The following CASTOR1 variants were observed in gnomAD, a reference collection of about 807,000 sequenced individuals.
CASTOR1 encodes GATS protein like 3.
CASTOR1 carries 18 observed loss-of-function variants against 33.7 expected under a neutral mutation model. The ratio of observed to expected loss-of-function variants is 0.53; its 90% CI spans 0.37 to 0.79. CASTOR1 has a LOEUF of 0.79. Ranked by LOEUF, CASTOR1 falls within the 30% of genes least tolerant of loss-of-function variation. The pLI is 0.00. For missense variants in CASTOR1, 362 were observed against 446.3 expected, an observed-to-expected ratio of 0.81 and a Z score of 1.70; for synonymous variants, 175 against 190.6, an observed-to-expected ratio of 0.92 and a Z score of 0.67.
chr22:30,287,876 C>T (rs1335330782), intron 2 of CASTOR1: 21 of 587,994 alleles, frequency 3.6e-5, no homozygotes, highest in Non-Finnish European at 6.4e-5. Flanking sequence ...TAAAATGGGA[C>T]GACAATATCT....
At position 30,287,303 on chromosome 22, in the gene CASTOR1, T is replaced by C. The variant is rs766421774; in HGVS notation, c.373-16A>G. 1 of 1,574,624 alleles carries C rather than the reference T, an allele frequency of 6.4e-7. No individual in the cohort carries two copies. Among genetic ancestry groups the C allele is most frequent in the Non-Finnish European group, 8.6e-7 (1 of 1,156,266 alleles). ...GCTCCCGCACCTGGGCCACAGCAGA[T>C]GGCACATCACATGGGCTCCCAGGTA... is the stretch of plus-strand genomic sequence containing the variant. On this transcript the variant is annotated splice_polypyrimidine_tract_variant and intron_variant, in intron 3 of 8. Coordinates refer to ENST00000407689, the MANE Select transcript of CASTOR1 (RefSeq NM_001037666.3).
rs373119268 is a variant in CASTOR1, at chr22:30,287,170, G to C, written c.490C>G (p.Pro164Ala). The C allele has an allele frequency of 3.2e-5, 51 of 1,610,894 alleles. No individual in the cohort carries two copies. The highest frequency in any genetic ancestry group is 4.2e-5 in the Non-Finnish European group (50 of 1,178,214). The change falls in exon 4 of 9, where the codon CCC becomes GCC. Residue 164 changes from proline (P) to alanine (A), a missense_variant. Pro to Ala is a conservative substitution (Grantham distance 27). Transcript: ENST00000407689. ...CGGCCCTCACCATGCTGAGTGCGGG[G>C]AAAGCCATTGCTGGAATCATCCCTC... Reference protein sequence around the residue: ...VTRDDSSNGFPRTQHGPSPTV... With the variant: ...VTRDDSSNGFARTQHGPSPTV...
chr22:30,287,387 T>A lies in CASTOR1; in HGVS notation c.358A>T (p.Thr120Ser). Residue 120 changes from threonine (T) to serine (S), a missense_variant, in exon 3 of 9, where the codon ACG (threonine) becomes TCG (serine). Thr to Ser is a moderately conservative substitution (Grantham distance 58, BLOSUM62 1). Coordinates refer to ENST00000407689, the MANE Select transcript of CASTOR1 (RefSeq NM_001037666.3). ...VSVLMLSTYQ[T>S]DFILVREQDL... ...AGGAAACTCACCAGGATGAAGTCCG[T>A]CTGGTAAGTGGACAGCATCAGCACA... 6.2e-7 allele frequency: 1 copy of A among 1,612,236 alleles called. No individual in the cohort carries two copies. The highest frequency in any genetic ancestry group is 8.5e-7 in the Non-Finnish European group (1 of 1,179,112).
At chr22:30,287,061 G>T in intron 4 of CASTOR1, 94 bp downstream of exon 4, 1 of 1,549,502 alleles carries the variant, frequency 6.5e-7, no homozygotes, top group South Asian at 1.2e-5. Flanking sequence ...GGAACTGGCC[G>T]GGGTCCTCCT....
At chr22:30,289,247 C>T in intron 1 of CASTOR1, 138 bp downstream of exon 1, 1 of 677,898 alleles carries the variant, frequency 1.5e-6, no homozygotes, top group South Asian at 1.7e-5. Context: ...CGGATGGCGG[C>T]CGGACGGGGA....
At position 30,288,778 on chromosome 22, in the gene CASTOR1, T is replaced by G. The variant is rs1402437347; in HGVS notation, c.114-2A>C. The G allele has an allele frequency of 1.9e-6, 3 of 1,609,608 alleles. No individual in the cohort carries two copies. Among genetic ancestry groups the G allele is most frequent in the African/African-American group, 2.7e-5 (2 of 74,522 alleles). ...TCCGTCAGGCTGAAGAACTTGCACC[T>G]GGTTGGGGGTGGGGAGCATCTTCAG... is the stretch of plus-strand genomic sequence containing the variant. On this transcript the variant is annotated splice_acceptor_variant, in intron 1 of 8. Transcript: ENST00000407689. LOFTEE classifies it high-confidence loss of function.
Position 30,286,072 on chromosome 22 carries a change from C to T in CASTOR1, c.770G>A (p.Ser257Asn), listed in dbSNP as rs748636183. The change falls in exon 7 of 9, where the codon AGC (serine) becomes AAC (asparagine). Residue 257 changes from serine to asparagine, a missense_variant. Ser to Asn is a conservative substitution (Grantham distance 46). Coordinates refer to ENST00000407689, the MANE Select transcript of CASTOR1 (RefSeq NM_001037666.3). ...CATCCTCCACAGCTCCCCCGAGGAGCTGGTCAGCAGGAGGTCACTGGGGAA... is the reference window on the plus strand; with the variant it reads ...CATCCTCCACAGCTCCCCCGAGGAGTTGGTCAGCAGGAGGTCACTGGGGAA... ...KKFPSDLLLT[S>N]SSGELWRMVR... 6.3e-7 allele frequency: 1 copy of T among 1,580,602 alleles called. No individual in the cohort carries two copies. Among genetic ancestry groups the T allele is most frequent in the Admixed American group, 1.7e-5 (1 of 57,760 alleles).
intron 2 of CASTOR1, among the ~76,000 whole-genome samples, chr22:30,288,397 A>G (rs1053584893): frequency 6.6e-6 from 1 of 152,122 alleles, no homozygotes; most frequent in Admixed American, 6.5e-5. Context: ...GAATCATAAC[A>G]GAGGCCCTTC....
chr22:30,288,896 T>G, intron 1 of CASTOR1, 120 bp from the exon 2 acceptor site: 1 of 730,872 alleles, frequency 1.4e-6, no homozygotes, highest in Non-Finnish European at 2.2e-6. Context: ...TCTTGCCCTC[T>G]CGGCCTTTAA....
Position 30,286,875 on chromosome 22 carries a change from C to T in CASTOR1, c.579G>A (p.Thr193=), listed in dbSNP as rs757716954. The T allele has an allele frequency of 4.6e-5, 75 of 1,614,028 alleles. No homozygotes were observed. In the Admixed American group the frequency reaches 4.7e-4, roughly 10 times the overall value. ...RFCVLTLDPE[T]LPAIATTLID... is the part of the protein sequence containing the mutation. Reference sequence around the variant, plus strand: ...TGAGGGTGGTGGCGATGGCTGGAAGCGTCTCAGGGTCCAGTGTGAGGACAC... The same window carrying T: ...TGAGGGTGGTGGCGATGGCTGGAAGTGTCTCAGGGTCCAGTGTGAGGACAC... Residue 193 remains threonine (T), a synonymous_variant, in exon 5 of 9, where the codon ACG becomes ACA. Coordinates refer to ENST00000407689, the MANE Select transcript of CASTOR1 (RefSeq NM_001037666.3).
intron 2 of CASTOR1, chr22:30,287,793 G>A (rs1188735008): frequency 1.4e-6 from 1 of 692,564 alleles, no homozygotes; most frequent in Non-Finnish European, 2.6e-6. Flanking sequence ...GACAGACCTG[G>A]GTTCAAATCC....
chr22:30,288,703 C>T lies in CASTOR1; in HGVS notation c.184+3G>A. The stretch of plus-strand genomic sequence containing the variant: ...TACTCCCGTTCCCCAGACCAACCCC[C>T]ACCTTTAAAGCCCTCCTCGTCCACC... On this transcript the variant is annotated splice_donor_region_variant and intron_variant, in intron 2 of 8. Coordinates refer to ENST00000407689, the MANE Select transcript of CASTOR1 (RefSeq NM_001037666.3). The T allele has an allele frequency of 6.2e-7, 1 of 1,611,784 alleles. No individual in the cohort carries two copies. The highest frequency in any genetic ancestry group is 1.7e-4 in the Middle Eastern group (1 of 6,042).
Position 30,286,389 on chromosome 22 carries a change from G to C in CASTOR1, c.630-13C>G, listed in dbSNP as rs1265732789. ...CTCCTTGGGGGTGCTGGGGAGGGAT[G>C]GGAGGTTTAGGGGCTCTACCAGGCA... On this transcript the variant is annotated splice_polypyrimidine_tract_variant and intron_variant, in intron 5 of 8. Coordinates refer to ENST00000407689, the MANE Select transcript of CASTOR1 (RefSeq NM_001037666.3). 4 of 1,549,096 alleles carry C rather than the reference G, an allele frequency of 2.6e-6. No homozygotes were observed. The highest frequency in any genetic ancestry group is 3.6e-6 in the Non-Finnish European group (4 of 1,121,632).
intron 1 of CASTOR1, chr22:30,289,136 C>T (rs1929866491): frequency 1.8e-6 from 1 of 571,196 alleles, no homozygotes; most frequent in Admixed American, 3.2e-5. Flanking sequence ...GGAATGCCCC[C>T]ATTTGACACT....
At chr22:30,289,246 G>T in intron 1 of CASTOR1, 139 bp downstream of exon 1, 3 of 675,104 alleles carry the variant, frequency 4.4e-6, no homozygotes, top group South Asian at 1.8e-5. Context: ...CCGGATGGCG[G>T]CCGGACGGGG....
chr22:30,286,677 T>A (rs1027445548), intron 5 of CASTOR1, 148 bp downstream of exon 5: 1 of 1,034,782 alleles, frequency 9.7e-7, no homozygotes, highest in African/African-American at 1.6e-5. Context: ...TCCCCGAACA[T>A]CAGTGAAGCA....
intron 5 of CASTOR1, 114 bp downstream of exon 5, chr22:30,286,711 G>A: frequency 7.4e-7 from 1 of 1,343,690 alleles, no homozygotes; most frequent in Non-Finnish European, 1.0e-6. Flanking sequence ...TGGGCTGCCA[G>A]GAACCCCAAG....
intron 4 of CASTOR1, 70 bp downstream of exon 4, chr22:30,287,085 C>T: frequency 6.4e-7 from 1 of 1,554,534 alleles, no homozygotes; most frequent in South Asian, 1.2e-5. Flanking sequence ...CCACTGGGGC[C>T]CAAAAGGGAA....
At chr22:30,285,961 T>C (rs769138635) in intron 7 of CASTOR1, 35 bp from the exon 8 acceptor site, 5 of 1,584,652 alleles carry the variant, frequency 3.2e-6, no homozygotes, top group Admixed American at 1.8e-5. Context: ...ATGTGGCACA[T>C]GCCGGTTGCT....
Sources: allele counts gnomAD v4.1 joint callset (sites outside exome capture counted in the v4.1 genomes callset), GRCh38; gene constraint gnomAD v4.1.1; transcripts MANE v1.5; gene names NCBI Gene and HGNC (gene_info 2026-07-23, HGNC 2026-07-21).